Variants in CACNA1S observed in about 807,000 individuals in gnomAD.
The protein encoded by CACNA1S is voltage-dependent L-type calcium channel subunit alpha-1S.
In CACNA1S, 126 loss-of-function variants were observed where a neutral mutation model predicts 207.4. The ratio of observed to expected loss-of-function variants is 0.61; its 90% CI spans 0.53 to 0.70. The LOEUF (loss-of-function observed/expected upper bound fraction) is 0.70, where lower values mean the gene tolerates loss of function less well. Ranked by LOEUF, CACNA1S falls within the 30% of genes least tolerant of loss-of-function variation. The pLI, the probability that CACNA1S is intolerant of heterozygous loss-of-function variation, is 0.00. For missense variants in CACNA1S, 2,349 were observed against 2,422.8 expected (o/e 0.97, Z 0.64); for synonymous variants, 960 against 932.7 (o/e 1.03, Z -0.53).
rs936835373 is a variant in CACNA1S at position 201,092,656 on chromosome 1, C to T, written c.399-542G>A. ...CCTCCAAATACTTCTAACGGCAGAA[C>T]TCCCTGGGACACATTGCGTATGAAA... is the stretch of plus-strand genomic sequence containing the variant. On this transcript the variant is annotated intron_variant, in intron 3 of 43. Coordinates refer to ENST00000362061, the MANE Select transcript of CACNA1S (RefSeq NM_000069.3). Among the ~76,000 whole-genome samples the T allele has an allele frequency of 3.3e-5, 5 of 152,344 alleles. No individual in the cohort carries two copies. The South Asian group carries it at 1.0e-3, about 32-fold the overall frequency.
intron 11 of CACNA1S, 149 bp downstream of exon 11, chr1:201,077,730 G>C (rs1340398693): frequency 1.6e-6 from 1 of 613,668 alleles, no homozygotes; most frequent in African/African-American, 1.9e-5. Flanking sequence ...ACAGAAGGAG[G>C]TTATTTCAAG....
At chr1:201,044,543 C>T (rs983372967) in intron 38 of CACNA1S, 87 bp from the exon 39 acceptor site, 2 of 1,505,054 alleles carry the variant, frequency 1.3e-6, no homozygotes. Context: ...CAGAGTCTCA[C>T]TCTGTTGCCC....
intron 13 of CACNA1S, 101 bp from the exon 14 acceptor site, chr1:201,074,721 TC>T: frequency 1.7e-6 from 1 of 587,716 alleles, no homozygotes; most frequent in Non-Finnish European, 3.1e-6. Flanking sequence ...AACCCCACTC[TC>T]CCAGAGCTAC....
chr1:201,071,288 C>T (rs1187028816), intron 16 of CACNA1S, among the ~76,000 whole-genome samples: 2 of 152,084 alleles, frequency 1.3e-5, no homozygotes, highest in African/African-American at 4.8e-5. Context: ...CTCAAATCCA[C>T]CAAGTCACAT....
chr1:201,050,893 G>A lies in CACNA1S; in HGVS notation c.4113+91C>T, dbSNP rs1660624463. 3.0e-6 allele frequency: 4 copies of A among 1,346,694 alleles called. No homozygotes were observed. In the Admixed American group the frequency reaches 5.0e-5, roughly 17 times the overall value. 83.4% of individuals were successfully genotyped at this position (1,346,694 alleles called of 1,614,324 possible). On this transcript the variant is annotated intron_variant, in intron 33 of 43. Coordinates refer to ENST00000362061, the MANE Select transcript of CACNA1S (RefSeq NM_000069.3). ...GTCCCCGAGATGAATCCCAGGAGAG[G>A]TGGAAACTGGCCAGGAAGGGGCAGG...
chr1:201,062,671 C>T (rs922042877), intron 22 of CACNA1S, among the ~76,000 whole-genome samples, 157 bp from the exon 23 acceptor site: 5 of 152,220 alleles, frequency 3.3e-5, no homozygotes, highest in African/African-American at 7.2e-5. Flanking sequence ...GGCGTGAACT[C>T]GCCCTTGGGG....
rs766576671 is a variant in CACNA1S at position 201,075,531 on chromosome 1, A to C, written c.1912T>G (p.Cys638Gly). ...ACGAAAAGGATGATGAAGTAAATGC[A>C]CACAAGCATGCCAGGGTAGGACGGC... ...GGPSYPGMLV[C>G]IYFIILFVCG... The change falls in exon 13 of 44, where the codon TGC becomes GGC. Residue 638 changes from cysteine (C) to glycine (G), a missense_variant. By Grantham distance (159) the Cys-to-Gly change is radical (BLOSUM62 -3). Coordinates refer to ENST00000362061, the MANE Select transcript of CACNA1S (RefSeq NM_000069.3). 9.9e-6 allele frequency: 16 copies of C among 1,613,596 alleles called. No individual in the cohort carries two copies. The highest frequency in any genetic ancestry group is 1.4e-5 in the Non-Finnish European group (16 of 1,179,994).
At position 201,049,097 on chromosome 1, in the gene CACNA1S, C is replaced by T. The variant is rs746069974; in HGVS notation, c.4244G>A (p.Gly1415Glu). 3.7e-6 allele frequency: 6 copies of T among 1,609,160 alleles called. No homozygotes were observed. The highest frequency in any genetic ancestry group is 4.2e-6 in the Non-Finnish European group (5 of 1,177,416). Residue 1415 changes from glycine (G) to glutamate (E), a missense_variant and splice_region_variant, in exon 35 of 44, where the codon GGG (glycine) becomes GAG (glutamate). By Grantham distance (98) the Gly-to-Glu change is moderately conservative. Coordinates refer to ENST00000362061, the MANE Select transcript of CACNA1S (RefSeq NM_000069.3). Reference protein sequence around the residue: ...IWAEYDPEAKGRIKHLDVVTL... With the variant: ...IWAEYDPEAKERIKHLDVVTL... The stretch of plus-strand genomic sequence containing the variant: ...CACCACGTCCAGGTGTTTGATTCTC[C>T]CCCTGCGGGAGGACACACAGACTTG...
chr1:201,076,905 A>C lies in CACNA1S; in HGVS notation c.1827+15T>G. On this transcript the variant is annotated intron_variant, in intron 12 of 43. Transcript: ENST00000362061. ...CAACCGTTCAGAAGGAGGGACACGC[A>C]GAGGGAGAGCCTACCTGGAAGACGC... is the stretch of plus-strand genomic sequence containing the variant. The C allele has an allele frequency of 6.2e-7, 1 of 1,611,936 alleles. No homozygotes were observed. The highest frequency in any genetic ancestry group is 1.1e-5 in the South Asian group (1 of 91,028).
In CACNA1S at chr1:201,070,385, C is replaced by T. The variant is rs1221547167; in HGVS notation, c.2247G>A (p.Glu749=). ...GTCGGGGGCTCAGCGGGATCTCAGG[C>T]TCATCTTCCTCGTCATCCCCTGTGG... is the stretch of plus-strand genomic sequence containing the variant. ...ADFPGDDEED[E]PEIPLSPRPR... Residue 749 remains glutamate, a synonymous_variant, in exon 17 of 44, where the codon GAG becomes GAA. Coordinates refer to ENST00000362061, the MANE Select transcript of CACNA1S (RefSeq NM_000069.3). The T allele has an allele frequency of 6.2e-7, 1 of 1,613,992 alleles. No individual in the cohort carries two copies. Among genetic ancestry groups the T allele is most frequent in the Non-Finnish European group, 8.5e-7 (1 of 1,179,974 alleles).
chr1:201,043,323 G>C lies in CACNA1S; in HGVS notation c.5006C>G (p.Ala1669Gly). The C allele has an allele frequency of 6.2e-7, 1 of 1,614,222 alleles. No individual in the cohort carries two copies. The change falls in exon 40 of 44, where the codon GCC becomes GGC. Residue 1669 changes from alanine (A) to glycine (G), a missense_variant. Physicochemically the swap from Ala to Gly is moderately conservative, Grantham distance 60 (BLOSUM62 0). Transcript: ENST00000362061. ...GTTGCTATGGTTGCTGTTGCCATAG[G>C]CGACATTGGCGTTGGCATTGTTGGT... ...ANTNNANANVAYGNSNHSNSH... is the reference protein window; with the variant it reads ...ANTNNANANVGYGNSNHSNSH...
intron 28 of CACNA1S, among the ~76,000 whole-genome samples, chr1:201,056,086 C>CACAT (rs1553249527): frequency 2.0e-5 from 3 of 151,710 alleles, no homozygotes; most frequent in Non-Finnish European, 4.4e-5. Flanking sequence ...CACACACACA[C>CACAT]ACACACACAC....
At chr1:201,040,597 G>A in intron 42 of CACNA1S, 25 bp downstream of exon 42, 1 of 1,601,122 alleles carries the variant, frequency 6.2e-7, no homozygotes, top group Non-Finnish European at 8.6e-7. Flanking sequence ...TATGGAGTTT[G>A]CTCCCAGGCC....
At chr1:201,062,181 G>A (rs1661075186) in intron 23 of CACNA1S, 91 bp from the exon 24 acceptor site, 10 of 1,493,920 alleles carry the variant, frequency 6.7e-6, no homozygotes, top group South Asian at 2.4e-5. Context: ...GGAGTGTGAA[G>A]GAGAAATGAA....
At chr1:201,076,212 T>C (rs1216120183) in intron 12 of CACNA1S, among the ~76,000 whole-genome samples, 1 of 152,198 alleles carries the variant, frequency 6.6e-6, no homozygotes, top group Non-Finnish European at 1.5e-5. Flanking sequence ...CCAGGCCTCC[T>C]GTTATTCTGG....
In CACNA1S at chr1:201,043,237, C is replaced by T. The variant is rs376369719; in HGVS notation, c.5048+44G>A. 4.2e-5 allele frequency: 67 copies of T among 1,613,084 alleles called. No homozygotes were observed. In the African/African-American group the frequency reaches 8.0e-4, roughly 19 times the overall value. On this transcript the variant is annotated intron_variant, in intron 40 of 43. Transcript: ENST00000362061. ...CAACCTGGAACCTGCTGACATTGTC[C>T]TCCCAGTACCTCTACACCCAGGGAT...
rs1558057855 is a variant in CACNA1S at position 201,053,296 on chromosome 1, C to G, written c.3796-22G>C. 5 of 1,612,758 alleles carry G rather than the reference C, an allele frequency of 3.1e-6. No homozygotes were observed. The South Asian group carries it at 4.4e-5, about 14-fold the overall frequency. ...GGGCCTGCAGGGCGGGCGGGAGCGC[C>G]AGTCAGTGTCTTAGGGCTCCACTGT... On this transcript the variant is annotated intron_variant, in intron 30 of 43. Transcript: ENST00000362061. This position sits in a 1 kb window ranked among gnomAD's most constrained non-coding sequence, Gnocchi z 5.1.
Position 201,066,755 on chromosome 1 carries a change from C to T in CACNA1S, c.2657+132G>A. ...GGTGACAACCCACAGGACCCCCTGCCTCCATCGGAGGCCCCGAGAGACCCT... is the reference window on the plus strand; with the variant it reads ...GGTGACAACCCACAGGACCCCCTGCTTCCATCGGAGGCCCCGAGAGACCCT... On this transcript the variant is annotated intron_variant, in intron 20 of 43. Transcript: ENST00000362061. The surrounding 1 kb of genome is among the most constrained non-coding windows in gnomAD (Gnocchi z 4.3). 1 of 722,746 alleles carries T rather than the reference C, an allele frequency of 1.4e-6. No homozygotes were observed. The highest frequency in any genetic ancestry group is 1.5e-5 in the South Asian group (1 of 66,476). 44.8% of individuals were successfully genotyped at this position (722,746 alleles called of 1,614,324 possible). A position where few individuals can be genotyped will look rare whatever the true frequency, so the allele number is the denominator to read the frequency against.
intron 26 of CACNA1S, 144 bp from the exon 27 acceptor site, chr1:201,059,443 C>T (rs1660967204): frequency 1.7e-6 from 1 of 591,228 alleles, no homozygotes; most frequent in Admixed American, 3.1e-5. Flanking sequence ...GCTCAGAAAA[C>T]TAGAAGCTGC....
Sources: gnomAD v4.1 joint callset for allele counts (sites outside exome capture counted in the v4.1 genomes callset) on GRCh38, gnomAD v4.1.1 for gene constraint, Gnocchi (gnomAD v3.1) non-coding constraint, MANE v1.5 for transcripts, NCBI Gene and HGNC (gene_info 2026-07-23, HGNC 2026-07-21) for gene names.